The following MACC1 variants were observed in gnomAD, a reference collection of about 807,000 sequenced individuals.
The protein encoded by MACC1 is MET transcriptional regulator MACC1, also known as metastasis-associated in colon cancer protein 1.
In MACC1, 79 loss-of-function variants were observed where a neutral mutation model predicts 70.7. The ratio of observed to expected loss-of-function variants is 1.12; its 90% CI spans 0.93 to 1.35. The LOEUF is 1.35. MACC1 is among the 40% of genes most tolerant of loss of function. The pLI is 0.00. For missense variants in MACC1, 1,106 were observed against 978.1 expected, an observed-to-expected ratio of 1.13 and a Z score of -1.74; for synonymous variants, 361 against 347.2, an observed-to-expected ratio of 1.04 and a Z score of -0.44.
At chr7:20,171,054 A>T (rs2128104376) in intron 1 of MACC1, among the ~76,000 whole-genome samples, 1 of 152,220 alleles carries the variant, frequency 6.6e-6, no homozygotes, top group South Asian at 2.1e-4. Flanking sequence ...AACAGTATGA[A>T]CTCTTTGTCA....
At chr7:20,208,433 A>T (rs1782946430) in intron 1 of MACC1, among the ~76,000 whole-genome samples, 1 of 152,222 alleles carries the variant, frequency 6.6e-6, no homozygotes, top group African/African-American at 2.4e-5. Flanking sequence ...GTGGTCTCAG[A>T]TGGAAATGAG....
intron 1 of MACC1, among the ~76,000 whole-genome samples, chr7:20,201,244 C>G (rs898270559): frequency 2.0e-5 from 3 of 152,146 alleles, no homozygotes; most frequent in African/African-American, 7.2e-5. Flanking sequence ...CTGTCCCCCC[C>G]ATGGACTAAT....
At chr7:20,191,194 C>G (rs928462976) in intron 1 of MACC1, among the ~76,000 whole-genome samples, 1 of 152,204 alleles carries the variant, frequency 6.6e-6, no homozygotes, top group East Asian at 1.9e-4. Flanking sequence ...AAAGATCAAA[C>G]AGCAGAATGT....
At chr7:20,152,680 T>C (rs1781998190) in intron 6 of MACC1, among the ~76,000 whole-genome samples, 1 of 152,196 alleles carries the variant, frequency 6.6e-6, no homozygotes, top group Non-Finnish European at 1.5e-5. Context: ...ATTTATGATT[T>C]GGGCTGTGCA....
chr7:20,136,269 C>A lies in MACC1; in HGVS notation c.*4677G>T, dbSNP rs528746108. On this transcript the variant is annotated 3_prime_UTR_variant, in exon 7 of 7. Coordinates refer to ENST00000400331, the MANE Select transcript of MACC1 (RefSeq NM_182762.4). ...TTTGACTAGTGTCTTGTAGAGGAAG[C>A]CTTTCATGCTGTACTCATTATGACA... is the stretch of plus-strand genomic sequence containing the variant. The A allele has an allele frequency of 6.6e-6, 1 of 152,250 alleles. No individual in the cohort carries two copies. Among genetic ancestry groups the A allele is most frequent in the Admixed American group, 6.5e-5 (1 of 15,292 alleles). The allele number at this position is 152,250 out of a possible 1,614,324, so 9.4% of individuals were successfully genotyped here.
At chr7:20,150,266 C>A (rs1340250664) in intron 6 of MACC1, among the ~76,000 whole-genome samples, 1 of 152,060 alleles carries the variant, frequency 6.6e-6, no homozygotes, top group African/African-American at 2.4e-5. Context: ...ATGTCCAGAA[C>A]TGATAGACCC....
Position 20,154,360 on chromosome 7 carries a change from G to A in MACC1, c.2179C>T (p.Gln727Ter), listed in dbSNP as rs1782025693. 6.2e-7 allele frequency: 1 copy of A among 1,613,294 alleles called. No individual in the cohort carries two copies. The highest frequency in any genetic ancestry group is 1.7e-5 in the Admixed American group (1 of 59,882). Residue 727 changes from glutamine (Q) to a stop codon, truncating the protein, a stop_gained, in exon 6 of 7, where the codon CAA (glutamine) becomes TAA (stop). Coordinates refer to ENST00000400331, the MANE Select transcript of MACC1 (RefSeq NM_182762.4). LOFTEE classifies it high-confidence loss of function. Reference protein sequence around the residue: ...LIVALLKMDCQELVARLIQEA... With the variant: ...LIVALLKMDC ...TGGATGAGACGTGCGACTAACTCTT[G>A]GCAATCCATTTTCAGAAGAGCCTGC...
chr7:20,159,810 C>T lies in MACC1; in HGVS notation c.551G>A (p.Ser184Asn), dbSNP rs143776366. The change falls in exon 5 of 7, where the codon AGT (serine) becomes AAT (asparagine). Residue 184 changes from serine (S) to asparagine (N), a missense_variant. Physicochemically the swap from Ser to Asn is conservative, Grantham distance 46 (BLOSUM62 1). Coordinates refer to ENST00000400331, the MANE Select transcript of MACC1 (RefSeq NM_182762.4). ...GCAGGAGCGGGCCAGCTGGCGTTGA[C>T]TTAACCAAGCCATTTTATAAGCCTC... ...DREAYKMAWLSQRQLARSCLD... is the reference protein window; with the variant it reads ...DREAYKMAWLNQRQLARSCLD... 69 of 1,614,154 alleles carry T rather than the reference C, an allele frequency of 4.3e-5. No homozygotes were observed. Among genetic ancestry groups the T allele is most frequent in the Middle Eastern group, 3.3e-4 (2 of 6,062 alleles).
Position 20,217,281 on chromosome 7 carries a change from T to A in MACC1, c.-218+18A>T, listed in dbSNP as rs186298838. The A allele has an allele frequency of 4.6e-5, 7 of 152,314 alleles. No individual in the cohort carries two copies. The allele number at this position is 152,314 out of a possible 1,614,324, so 9.4% of individuals were successfully genotyped here. A position where few individuals can be genotyped will look rare whatever the true frequency, so the allele number is the denominator to read the frequency against. On this transcript the variant is annotated intron_variant, in intron 1 of 6. Coordinates refer to ENST00000400331, the MANE Select transcript of MACC1 (RefSeq NM_182762.4). ...TCAATAGTGAAAGGAATATTATTTT[T>A]AAAAAATCAGCACTTACATTTGTGG... is the stretch of plus-strand genomic sequence containing the variant.
At chr7:20,166,325 G>GT (rs1179150211) in intron 2 of MACC1, among the ~76,000 whole-genome samples, 4 of 152,090 alleles carry the variant, frequency 2.6e-5, no homozygotes, top group African/African-American at 9.7e-5. Flanking sequence ...AAGTAACATT[G>GT]TATTACTTGT....
At chr7:20,187,442 C>A (rs1782605015) in intron 1 of MACC1, among the ~76,000 whole-genome samples, 1 of 152,150 alleles carries the variant, frequency 6.6e-6, no homozygotes. Flanking sequence ...AGCAACCTAT[C>A]AATCTGACAA....
chr7:20,158,055 G>C, intron 5 of MACC1, 149 bp downstream of exon 5: 4 of 911,398 alleles, frequency 4.4e-6, no homozygotes, highest in Non-Finnish European at 6.1e-6. Context: ...GATCATGTAG[G>C]AAAAACTATA....
At chr7:20,161,601 C>T in intron 4 of MACC1, 147 bp downstream of exon 4, 1 of 540,254 alleles carries the variant, frequency 1.9e-6, no homozygotes, top group Admixed American at 3.2e-5. Flanking sequence ...TTATTTTGCA[C>T]ATCTTTTTAA....
At chr7:20,212,123 G>A (rs1235848337) in intron 1 of MACC1, among the ~76,000 whole-genome samples, 1 of 152,170 alleles carries the variant, frequency 6.6e-6, no homozygotes, top group Non-Finnish European at 1.5e-5. Context: ...ACCTTTGAGG[G>A]TGAAAAGAGA....
intron 1 of MACC1, among the ~76,000 whole-genome samples, chr7:20,178,291 ACACACACT>A (rs1262037452): frequency 7.3e-5 from 3 of 40,902 alleles, no homozygotes; most frequent in East Asian, 7.9e-3. Flanking sequence ...ACACACACAC[ACACACACT>A]CCAGAGAATA....
At chr7:20,149,993 G>A (rs910823038) in intron 6 of MACC1, among the ~76,000 whole-genome samples, 10 of 152,144 alleles carry the variant, frequency 6.6e-5, no homozygotes, top group African/African-American at 2.4e-4. Flanking sequence ...TTGTATATAT[G>A]TAAAGAGCAG....
At chr7:20,182,262 A>C (rs1782521670) in intron 1 of MACC1, among the ~76,000 whole-genome samples, 1 of 152,034 alleles carries the variant, frequency 6.6e-6, no homozygotes, top group African/African-American at 2.4e-5. Flanking sequence ...TAATGGGTGC[A>C]GCACACCAAC....
chr7:20,153,926 A>G (rs182992989), intron 6 of MACC1, among the ~76,000 whole-genome samples: 2 of 152,278 alleles, frequency 1.3e-5, no homozygotes, highest in African/African-American at 2.4e-5. Flanking sequence ...TACTGGCCCA[A>G]TTTGATCAAT....
chr7:20,146,029 C>A (rs1781885069), intron 6 of MACC1, among the ~76,000 whole-genome samples: 2 of 151,710 alleles, frequency 1.3e-5, no homozygotes, highest in South Asian at 4.2e-4. Flanking sequence ...GGCGTGGTGG[C>A]ACGCGCCTGT....
Sources: allele counts gnomAD v4.1 joint callset (sites outside exome capture counted in the v4.1 genomes callset), GRCh38; gene constraint gnomAD v4.1.1; transcripts MANE v1.5; gene names NCBI Gene and HGNC (gene_info 2026-07-23, HGNC 2026-07-21).